Variants in HDAC4 observed in about 807,000 individuals in gnomAD.
HDAC4 encodes histone deacetylase 4.
A neutral mutation model predicts 135.1 loss-of-function variants in HDAC4; 16 were observed. The ratio of observed to expected loss-of-function variants is 0.12; its 90% confidence interval spans 0.08 to 0.18. The LOEUF (loss-of-function observed/expected upper bound fraction) is 0.18. Among genes scored for constraint, HDAC4 ranks in the 10% least tolerant of loss-of-function variants. HDAC4 has a pLI of 1.00. For synonymous variants in HDAC4, 685 were observed against 653.4 expected (o/e 1.05, Z -0.74); for missense variants, 1,143 against 1,511.8 (o/e 0.76, Z 4.05).
chr2:239,167,970 A>C lies in HDAC4; in HGVS notation c.491-4047T>G, dbSNP rs1186581518. 1.2e-5 allele frequency among the ~76,000 whole-genome samples: 1 copy of C among 82,012 alleles called. No homozygotes were observed. Among genetic ancestry groups the C allele is most frequent in the Non-Finnish European group, 2.4e-5 (1 of 41,006 alleles). 53.8% of individuals were successfully genotyped at this position (82,012 alleles called of 152,430 possible). ...AGCTCTGGGTGGGGCGGGGCGGGGC[A>C]GGTGGGGAGGGACGGCTGTGTTCGG... On this transcript the variant is annotated intron_variant, in intron 5 of 26. Coordinates refer to ENST00000543185, the MANE Select transcript of HDAC4 (RefSeq NM_001378414.1). This position sits in a 1 kb window ranked among gnomAD's most constrained non-coding sequence, Gnocchi z 4.1.
intron 22 of HDAC4, among the ~76,000 whole-genome samples, chr2:239,071,271 C>T (rs866284120): frequency 2.0e-5 from 3 of 151,954 alleles, no homozygotes; most frequent in East Asian, 1.9e-4. Context: ...TACAAAAATC[C>T]GGGTGTGGTG....
chr2:239,119,729 T>C (rs896621559), intron 12 of HDAC4, among the ~76,000 whole-genome samples: 2 of 152,110 alleles, frequency 1.3e-5, no homozygotes, highest in African/African-American at 4.8e-5. Context: ...CCTCACAATG[T>C]GGGCTTTGCT....
intron 3 of HDAC4, among the ~76,000 whole-genome samples, chr2:239,222,655 A>G (rs2047026505): frequency 6.6e-6 from 1 of 152,210 alleles, no homozygotes; most frequent in Non-Finnish European, 1.5e-5. Context: ...AGATGCTGCT[A>G]CAATCACGTT....
intron 7 of HDAC4, among the ~76,000 whole-genome samples, chr2:239,147,973 C>A (rs1177063038): frequency 6.6e-6 from 1 of 152,208 alleles, no homozygotes; most frequent in Non-Finnish European, 1.5e-5. Flanking sequence ...AGAGCCGGAA[C>A]GCTTTAACTC....
At chr2:239,289,727 C>A (rs1255501269) in intron 2 of HDAC4, among the ~76,000 whole-genome samples, 2 of 146,942 alleles carry the variant, frequency 1.4e-5, no homozygotes, top group Non-Finnish European at 2.9e-5. Flanking sequence ...GCAGAGAGCA[C>A]CCCCCAAAGT....
rs1379518805 is a variant in HDAC4, at chr2:239,326,572, A to G, written c.22+26106T>C. On this transcript the variant is annotated intron_variant, in intron 2 of 26. Coordinates refer to ENST00000543185, the MANE Select transcript of HDAC4 (RefSeq NM_001378414.1). ...ATGATGAACAAAGAAATTAATATAC[A>G]TGTTGGTAGACAGAAACAACACCCA... Among the ~76,000 whole-genome samples, 3 of 152,236 alleles carry G rather than the reference A, an allele frequency of 2.0e-5. No individual in the cohort carries two copies. In the South Asian group the frequency reaches 6.2e-4, roughly 31 times the overall value.
At chr2:239,154,287 G>A (rs2042286679) in intron 7 of HDAC4, among the ~76,000 whole-genome samples, 1 of 152,156 alleles carries the variant, frequency 6.6e-6, no homozygotes, top group Non-Finnish European at 1.5e-5. Flanking sequence ...TGGCTCTGGA[G>A]TCTGAGTGCC....
rs2043778849 is a variant in HDAC4 at position 239,176,449 on chromosome 2, G to A, written c.454C>T (p.Leu152=). 2 of 1,613,204 alleles carry A rather than the reference G, an allele frequency of 1.2e-6. No homozygotes were observed. Among genetic ancestry groups the A allele is most frequent in the East Asian group, 4.5e-5 (2 of 44,826 alleles). ...ELEKQHREQK[L]QQLKNKEKGK... is the part of the protein sequence containing the mutation. The stretch of plus-strand genomic sequence containing the variant: ...TTCTCCTTGTTCTTGAGCTGCTGCA[G>A]CTTCTGCTCCCGGTGCTGCTTCTCC... The change falls in exon 5 of 27, where the codon CTG becomes TTG. Residue 152 remains leucine (L), a synonymous_variant. Transcript: ENST00000543185.
At chr2:239,166,550 T>C (rs2043134467) in intron 5 of HDAC4, among the ~76,000 whole-genome samples, 1 of 152,150 alleles carries the variant, frequency 6.6e-6, no homozygotes, top group Admixed American at 6.5e-5. Context: ...GAACATCACT[T>C]AGAAGCACTT....
intron 24 of HDAC4, among the ~76,000 whole-genome samples, chr2:239,061,937 G>A (rs1360813656): frequency 2.6e-5 from 4 of 152,346 alleles, no homozygotes; most frequent in Middle Eastern, 3.4e-3. Context: ...TTTGGGCATG[G>A]TCTCAGACAG....
intron 21 of HDAC4, among the ~76,000 whole-genome samples, chr2:239,081,451 G>A (rs538991565): frequency 6.6e-6 from 1 of 152,370 alleles, no homozygotes; most frequent in Non-Finnish European, 1.5e-5. Context: ...GGCACACCAA[G>A]GCCCTGCACT....
At chr2:239,155,499 A>C (rs550423233) in intron 7 of HDAC4, 1 of 152,286 alleles carries the variant, frequency 6.6e-6, no homozygotes, top group South Asian at 2.1e-4. Flanking sequence ...TCACAGCTGG[A>C]CCAATACAGC....
rs1386559469 is a variant in HDAC4 at position 239,139,577 on chromosome 2, T to C, written c.978+107A>G. ...ACAGGCCACTTTCCCTCACCCCAAA[T>C]TGGAAGGTGAAGAGTGAAGGGCAAG... On this transcript the variant is annotated intron_variant, in intron 9 of 26. Coordinates refer to ENST00000543185, the MANE Select transcript of HDAC4 (RefSeq NM_001378414.1). The surrounding 1 kb of genome is among the most constrained non-coding windows in gnomAD (Gnocchi z 5.3). 2.9e-6 allele frequency: 3 copies of C among 1,025,150 alleles called. No individual in the cohort carries two copies. The highest frequency in any genetic ancestry group is 1.3e-5 in the South Asian group (1 of 78,834). The allele number at this position is 1,025,150 out of a possible 1,614,324, so 63.5% of individuals were successfully genotyped here. A position where few individuals can be genotyped will look rare whatever the true frequency, so the allele number is the denominator to read the frequency against.
intron 4 of HDAC4, among the ~76,000 whole-genome samples, chr2:239,187,860 C>T (rs1041320748): frequency 2.0e-5 from 3 of 152,312 alleles, no homozygotes; most frequent in East Asian, 1.9e-4. Context: ...TTGTTACACA[C>T]GGCTGCTAGG....
At chr2:239,298,485 C>T (rs2052046865) in intron 2 of HDAC4, 3 of 1,129,182 alleles carry the variant, frequency 2.7e-6, no homozygotes, top group South Asian at 2.1e-5. Flanking sequence ...TACAATCACA[C>T]TGTCACTGGG....
intron 2 of HDAC4, among the ~76,000 whole-genome samples, chr2:239,344,168 C>T (rs927544865): frequency 7.2e-5 from 11 of 152,180 alleles, no homozygotes; most frequent in Non-Finnish European, 1.2e-4. Context: ...CACCTGTCCA[C>T]GTGCGACCTG....
At chr2:239,073,778 G>A (rs2034447914) in intron 22 of HDAC4, among the ~76,000 whole-genome samples, 1 of 152,284 alleles carries the variant, frequency 6.6e-6, no homozygotes, top group Non-Finnish European at 1.5e-5. Context: ...GCAGGGCTGG[G>A]AGGGGAGAAA....
intron 2 of HDAC4, among the ~76,000 whole-genome samples, chr2:239,291,333 T>G (rs920349945): frequency 6.6e-6 from 1 of 152,208 alleles, no homozygotes; most frequent in African/African-American, 2.4e-5. Context: ...CCAGGCCAGC[T>G]GCGACACCAC....
At chr2:239,377,085 G>A (rs963671044) in intron 1 of HDAC4, among the ~76,000 whole-genome samples, 5 of 152,070 alleles carry the variant, frequency 3.3e-5, no homozygotes, top group Non-Finnish European at 5.9e-5. Context: ...CCCAGCCTGC[G>A]GGGCCTCTGC....
Sources: gnomAD v4.1 joint callset for allele counts (sites outside exome capture counted in the v4.1 genomes callset) on GRCh38, gnomAD v4.1.1 for gene constraint, Gnocchi (gnomAD v3.1) non-coding constraint, MANE v1.5 for transcripts, NCBI Gene and HGNC (gene_info 2026-07-23, HGNC 2026-07-21) for gene names.